Variants in FAM221A observed in about 807,000 individuals in gnomAD.
The protein encoded by FAM221A is protein FAM221A.
In FAM221A, 43 loss-of-function variants were observed where a neutral mutation model predicts 37.6. The observed-to-expected ratio is 1.15, with a 90% confidence interval of 0.90 to 1.48. FAM221A has a LOEUF of 1.48. FAM221A is among the 40% of genes most tolerant of loss of function. The pLI is 0.00. For missense variants in FAM221A, 361 were observed against 361.5 expected (o/e 1.00, Z 0.01); for synonymous variants, 135 against 132.9 (o/e 1.02, Z -0.11).
chr7:23,685,996 C>CCAA (rs1784343851), intron 2 of FAM221A, among the ~76,000 whole-genome samples: 1 of 152,174 alleles, frequency 6.6e-6, no homozygotes, highest in African/African-American at 2.4e-5. Flanking sequence ...TTGCTATTTA[C>CCAA]AGAGTTGCAG....
At chr7:23,685,389 G>C (rs1442427937) in intron 2 of FAM221A, among the ~76,000 whole-genome samples, 8 of 152,218 alleles carry the variant, frequency 5.3e-5, no homozygotes, top group Non-Finnish European at 5.9e-5. Flanking sequence ...CATGGAGTCT[G>C]TCACCTTAAG....
At chr7:23,684,782 A>G (rs74659913) in intron 2 of FAM221A, 110 bp downstream of exon 2, 23,287 of 1,028,836 alleles carry the variant, frequency 0.023, 549 homozygotes, top group African/African-American at 0.11. Flanking sequence ...TGTCCTTTAT[A>G]TAGTAGAGTA....
chr7:23,687,161 T>C (rs1282078485), intron 2 of FAM221A: 1 of 152,204 alleles, frequency 6.6e-6, no homozygotes, highest in Admixed American at 6.5e-5. Context: ...TGTTTCCACA[T>C]TGTTATGTGC....
chr7:23,702,257 C>A lies in FAM221A; in HGVS notation c.*93C>A. 3.3e-6 allele frequency: 2 copies of A among 613,072 alleles called. No individual in the cohort carries two copies. Among genetic ancestry groups the A allele is most frequent in the Non-Finnish European group, 4.9e-6 (2 of 407,134 alleles). The allele number at this position is 613,072 out of a possible 1,614,324, so 38.0% of individuals were successfully genotyped here. ...AGTTTATTTTTCCTGAAATTATTTA[C>A]TTTTTTTTTTTACTGTATAAATGTC... On this transcript the variant is annotated 3_prime_UTR_variant, in exon 7 of 7. Transcript: ENST00000344962.
At chr7:23,689,928 C>G (rs891273735) in intron 3 of FAM221A, among the ~76,000 whole-genome samples, 1 of 151,740 alleles carries the variant, frequency 6.6e-6, no homozygotes, top group African/African-American at 2.4e-5. Context: ...ATACCTGTAC[C>G]CAAATTCCAA....
At position 23,680,279 on chromosome 7, in the gene FAM221A, C is replaced by G. The variant is rs562052230; in HGVS notation, c.61C>G (p.Arg21Gly). The part of the protein sequence containing the change: ...AAAVDEYLEY[R>G]RIVGEDDGGK... ...GGCGGTGGACGAGTACCTGGAGTAC[C>G]GGAGGTGAGGCTGTGGCTCCGGGCC... Residue 21 changes from arginine (R) to glycine (G), a missense_variant, in exon 1 of 7, where the codon CGG (arginine) becomes GGG (glycine). Arg to Gly is a moderately radical substitution (Grantham distance 125). Coordinates refer to ENST00000344962, the MANE Select transcript of FAM221A (RefSeq NM_199136.5). 6.5e-7 allele frequency: 1 copy of G among 1,546,442 alleles called. No homozygotes were observed. Among genetic ancestry groups the G allele is most frequent in the African/African-American group, 1.4e-5 (1 of 72,442 alleles).
intron 2 of FAM221A, chr7:23,687,989 T>C (rs1312691826): frequency 6.6e-6 from 1 of 152,050 alleles, no homozygotes; most frequent in Non-Finnish European, 1.5e-5. Flanking sequence ...CATATAGTTT[T>C]TAAAAACTTT....
chr7:23,681,428 AT>A (rs1172789041), intron 1 of FAM221A, among the ~76,000 whole-genome samples: 1 of 152,086 alleles, frequency 6.6e-6, no homozygotes, highest in African/African-American at 2.4e-5. Context: ...TTATTTAGTT[AT>A]TTATTTTATT....
intron 2 of FAM221A, chr7:23,686,418 C>T: frequency 3.3e-6 from 1 of 306,872 alleles, no homozygotes; most frequent in South Asian, 2.5e-5. Flanking sequence ...CGTCTGCCAC[C>T]ACATCCAGCT....
At chr7:23,691,327 G>T (rs1194368684) in intron 3 of FAM221A, 63 bp from the exon 4 acceptor site, 9 of 1,526,860 alleles carry the variant, frequency 5.9e-6, no homozygotes, top group Non-Finnish European at 8.2e-6. Flanking sequence ...GCCAGGCTAA[G>T]TGTCTTTAGG....
intron 1 of FAM221A, among the ~76,000 whole-genome samples, chr7:23,682,492 C>T (rs527977091): frequency 3.3e-5 from 5 of 149,772 alleles, no homozygotes; most frequent in East Asian, 1.9e-4. Flanking sequence ...AGTGCAGTGG[C>T]GCTATCTCAG....
chr7:23,691,246 G>A, intron 3 of FAM221A, 144 bp from the exon 4 acceptor site: 1 of 654,286 alleles, frequency 1.5e-6, no homozygotes, highest in Non-Finnish European at 2.7e-6. Flanking sequence ...TAAGAACAGT[G>A]GCTAGGAAGG....
rs1422793785 is a variant in FAM221A at position 23,694,928 on chromosome 7, GT to G, written c.638-3262del. On this transcript the variant is annotated intron_variant, in intron 4 of 6. Transcript: ENST00000344962. The stretch of plus-strand genomic sequence containing the variant: ...ATTTTGTTAAGGTATTATAAACTCT[GT>G]TATTTTAATTGAGATCACATTGAAT... The G allele has an allele frequency of 2.6e-5, 4 of 152,268 alleles. No individual in the cohort carries two copies. In the South Asian group the frequency reaches 8.3e-4, roughly 32 times the overall value. 9.4% of individuals were successfully genotyped at this position (152,268 alleles called of 1,614,324 possible).
At chr7:23,696,890 G>GT (rs1246085653) in intron 4 of FAM221A, among the ~76,000 whole-genome samples, 1 of 152,192 alleles carries the variant, frequency 6.6e-6, no homozygotes, top group Non-Finnish European at 1.5e-5. Context: ...TGTGGAAGGA[G>GT]CCCATAATTC....
chr7:23,684,704 A>G, intron 2 of FAM221A, 32 bp downstream of exon 2: 2 of 1,552,730 alleles, frequency 1.3e-6, no homozygotes, highest in South Asian at 2.4e-5. Context: ...TTTTTTGATA[A>G]TTAGAAAATA....
At chr7:23,688,021 A>G (rs1784467571) in intron 2 of FAM221A, 1 of 151,890 alleles carries the variant, frequency 6.6e-6, no homozygotes, top group Non-Finnish European at 1.5e-5. Flanking sequence ...CTAAGTTAAA[A>G]TGGTATCTCA....
chr7:23,697,060 G>A (rs1200998255), intron 4 of FAM221A, among the ~76,000 whole-genome samples: 1 of 152,150 alleles, frequency 6.6e-6, no homozygotes, highest in Non-Finnish European at 1.5e-5. Flanking sequence ...TATAGTCGGA[G>A]CAAGCATGAG....
chr7:23,698,768 T>C (rs1029490912), intron 5 of FAM221A, among the ~76,000 whole-genome samples: 1 of 152,232 alleles, frequency 6.6e-6, no homozygotes, highest in African/African-American at 2.4e-5. Context: ...GTATGACTTA[T>C]TAGGTATTTA....
chr7:23,684,972 G>C (rs574345687), intron 2 of FAM221A, among the ~76,000 whole-genome samples: 1 of 152,092 alleles, frequency 6.6e-6, no homozygotes, highest in East Asian at 1.9e-4. Context: ...AAAATTGGCC[G>C]AGCTCAGTGG....
Sources: allele counts gnomAD v4.1 joint callset (sites outside exome capture counted in the v4.1 genomes callset), GRCh38; gene constraint gnomAD v4.1.1; transcripts MANE v1.5; gene names NCBI Gene and HGNC (gene_info 2026-07-23, HGNC 2026-07-21).